TRIM29: variants seen among roughly 807,000 people sequenced by gnomAD.
TRIM29 encodes the protein tripartite motif-containing protein 29.
TRIM29 carries 52 observed loss-of-function variants against 57.3 expected under a neutral mutation model. That is an observed-to-expected ratio of 0.91 (90% CI 0.73 to 1.14). The LOEUF is 1.14. TRIM29 is among the 50% of genes most tolerant of loss of function. The probability of loss-of-function intolerance (pLI) is 0.00; values close to 1 mark genes in which losing one functional copy is unlikely to be tolerated. For missense variants in TRIM29, 753 were observed against 774.6 expected (o/e 0.97, Z 0.33); for synonymous variants, 319 against 316.9 (o/e 1.01, Z -0.07).
In TRIM29 at chr11:120,129,054, C is replaced by T; in HGVS notation, c.805-559G>A. 3 of 545,222 alleles carry T rather than the reference C, an allele frequency of 5.5e-6. No homozygotes were observed. The South Asian group carries it at 6.9e-5, about 13-fold the overall frequency. 33.8% of individuals were successfully genotyped at this position (545,222 alleles called of 1,614,324 possible). A position where few individuals can be genotyped will look rare whatever the true frequency, so the allele number is the denominator to read the frequency against. ...TTTATGGGAAAGGGAAGGCATTCTG[C>T]AGTTTTGGCAAGACGGAGACTTTTA... On this transcript the variant is annotated intron_variant, in intron 1 of 8. Coordinates refer to ENST00000341846, the MANE Select transcript of TRIM29 (RefSeq NM_012101.4).
intron 7 of TRIM29, 173 bp downstream of exon 7, chr11:120,118,050 C>A (rs1288565237): frequency 3.1e-6 from 2 of 639,530 alleles, no homozygotes; most frequent in Admixed American, 5.1e-5. Flanking sequence ...AGCCCCCACC[C>A]CTGCCCTCAT....
chr11:120,119,851 G>A (rs1465180368), intron 6 of TRIM29, among the ~76,000 whole-genome samples: 1 of 152,032 alleles, frequency 6.6e-6, no homozygotes, highest in Non-Finnish European at 1.5e-5. Flanking sequence ...ACAGAACCAG[G>A]GTCTCCCAGA....
chr11:120,117,104 G>T (rs1395610701), intron 7 of TRIM29: 2 of 355,884 alleles, frequency 5.6e-6, no homozygotes, highest in Admixed American at 3.6e-5. Flanking sequence ...TGGTCCCAGA[G>T]GGGCCAAAAG....
At chr11:120,123,118 G>C in intron 4 of TRIM29, 63 bp from the exon 5 acceptor site, 1 of 1,439,578 alleles carries the variant, frequency 6.9e-7, no homozygotes. Context: ...AGCCACTGGG[G>C]ACTTTTGGGG....
At chr11:120,112,523 C>A (rs752808350) in intron 8 of TRIM29, 47 bp from the exon 9 acceptor site, 2 of 1,606,956 alleles carry the variant, frequency 1.2e-6, no homozygotes, top group Non-Finnish European at 1.7e-6. Context: ...GACAGATGAG[C>A]CTGCTAGCTA....
chr11:120,127,258 T>C (rs1863610469), intron 3 of TRIM29, 78 bp downstream of exon 3: 1 of 1,246,430 alleles, frequency 8.0e-7, no homozygotes, highest in South Asian at 1.3e-5. Flanking sequence ...GATAGGTGGA[T>C]GGATGGATGT....
At chr11:120,136,963 T>G (rs950605221) in intron 1 of TRIM29, among the ~76,000 whole-genome samples, 1 of 152,168 alleles carries the variant, frequency 6.6e-6, no homozygotes, top group East Asian at 1.9e-4. Flanking sequence ...GGTCAGGCCC[T>G]CAACCTTTTC....
At position 120,137,771 on chromosome 11, in the gene TRIM29, G is replaced by A. The variant is rs964951930; in HGVS notation, c.261C>T (p.Asp87=). 6.2e-7 allele frequency: 1 copy of A among 1,612,114 alleles called. No homozygotes were observed. The highest frequency in any genetic ancestry group is 8.5e-7 in the Non-Finnish European group (1 of 1,180,000). Residue 87 remains aspartate, a synonymous_variant, in exon 1 of 9, where the codon GAC becomes GAT. Coordinates refer to ENST00000341846, the MANE Select transcript of TRIM29 (RefSeq NM_012101.4). The surrounding 1 kb of genome is among the most constrained non-coding windows in gnomAD (Gnocchi z 6.2). ...RPIIQFVESG[D]DKNSNYFSMD... ...TGCTGAAGTAGTTGGAGTTCTTGTC[G>A]TCCCCGGACTCGACAAACTGGATGA... is the stretch of plus-strand genomic sequence containing the variant.
chr11:120,122,216 C>A (rs1200562135), intron 5 of TRIM29, among the ~76,000 whole-genome samples: 1 of 151,904 alleles, frequency 6.6e-6, no homozygotes, highest in African/African-American at 2.4e-5. Context: ...CCCTCCCCAG[C>A]CCCTGTGCCT....
At chr11:120,118,184 G>T in intron 7 of TRIM29, 39 bp downstream of exon 7, 1 of 1,567,374 alleles carries the variant, frequency 6.4e-7, no homozygotes, top group Non-Finnish European at 8.8e-7. Flanking sequence ...GTGTGAGGCA[G>T]CTGTGGAGGA....
At chr11:120,132,555 G>T (rs1327107067) in intron 1 of TRIM29, among the ~76,000 whole-genome samples, 1 of 152,196 alleles carries the variant, frequency 6.6e-6, no homozygotes, top group Non-Finnish European at 1.5e-5. Context: ...GAGCAGATGG[G>T]TGGTGCAGCA....
At chr11:120,128,789 C>T in intron 1 of TRIM29, 6 of 1,532,496 alleles carry the variant, frequency 3.9e-6, no homozygotes, top group Non-Finnish European at 3.5e-6. Context: ...CTCCTCCACC[C>T]AGCAAGAGCA....
intron 5 of TRIM29, among the ~76,000 whole-genome samples, chr11:120,122,699 G>A (rs1863487706): frequency 1.3e-5 from 2 of 152,208 alleles, no homozygotes; most frequent in South Asian, 4.1e-4. Context: ...TGCTGCCTGT[G>A]TGGCCCGGGA....
At chr11:120,123,554 C>T (rs1863513928) in intron 4 of TRIM29, 1 of 425,440 alleles carries the variant, frequency 2.4e-6, no homozygotes, top group African/African-American at 2.0e-5. Flanking sequence ...GGGATGAGGT[C>T]CCAGTGTTGG....
chr11:120,125,980 G>A, intron 3 of TRIM29, 91 bp from the exon 4 acceptor site: 12 of 1,307,930 alleles, frequency 9.2e-6, no homozygotes, highest in South Asian at 1.4e-5. Flanking sequence ...TGCAGCTGGG[G>A]GTCTCAGCGC....
At position 120,115,282 on chromosome 11, in the gene TRIM29, CT is replaced by C; in HGVS notation, c.1704+55del. The C allele has an allele frequency of 3.2e-6, 5 of 1,569,962 alleles. No homozygotes were observed. In the South Asian group the frequency reaches 5.7e-5, roughly 18 times the overall value. On this transcript the variant is annotated intron_variant, in intron 8 of 8. Transcript: ENST00000341846. ...GAACCGATTGCCTCCAGGGAGCCCC[CT>C]TCAGTGCCCAGGTCTCTGGATGTGC...
In TRIM29 at chr11:120,122,974, G is replaced by C; in HGVS notation, c.1415C>G (p.Ser472Cys). 1.2e-6 allele frequency: 2 copies of C among 1,613,986 alleles called. No individual in the cohort carries two copies. Among genetic ancestry groups the C allele is most frequent in the African/African-American group, 1.3e-5 (1 of 75,020 alleles). Reference protein sequence around the residue: ...WSAPDTMKRYSMYLTPKGGVR... With the variant: ...WSAPDTMKRYCMYLTPKGGVR... The stretch of plus-strand genomic sequence containing the variant: ...CTTACCTTTGGGTGTCAGGTACATG[G>C]AGTATCTCTTCATGGTGTCCGGTGC... Residue 472 changes from serine to cysteine, a missense_variant, in exon 5 of 9, where the codon TCC becomes TGC. Coordinates refer to ENST00000341846, the MANE Select transcript of TRIM29 (RefSeq NM_012101.4).
intron 5 of TRIM29, 181 bp from the exon 6 acceptor site, chr11:120,120,846 A>C (rs1863426078): frequency 1.4e-6 from 1 of 693,982 alleles, no homozygotes; most frequent in African/African-American, 1.8e-5. Flanking sequence ...TTTTGAGAGT[A>C]GAAGGACTCT....
At chr11:120,125,602 A>T (rs1863566986) in intron 4 of TRIM29, 89 bp downstream of exon 4, 1 of 1,442,984 alleles carries the variant, frequency 6.9e-7, no homozygotes. Context: ...GAAGAAGCTC[A>T]CTGGAGGCCA....
Sources: gnomAD v4.1 joint callset for allele counts (sites outside exome capture counted in the v4.1 genomes callset) on GRCh38, gnomAD v4.1.1 for gene constraint, Gnocchi (gnomAD v3.1) non-coding constraint, MANE v1.5 for transcripts, NCBI Gene and HGNC (gene_info 2026-07-23, HGNC 2026-07-21) for gene names.